Variants in MRPL15 observed in about 807,000 individuals in gnomAD.
MRPL15 encodes mitochondrial ribosomal protein L15, also known as large ribosomal subunit protein uL15m.
Under a neutral mutation model 28.0 loss-of-function variants are expected in MRPL15, and 24 were observed. The ratio of observed to expected loss-of-function variants is 0.86; its 90% confidence interval spans 0.62 to 1.21. The LOEUF (loss-of-function observed/expected upper bound fraction) is 1.21, where lower values mean the gene tolerates loss of function less well. Among genes scored for constraint, MRPL15 ranks in the 50% most tolerant of loss-of-function variants. The pLI, the probability that MRPL15 is intolerant of heterozygous loss-of-function variation, is 0.00. For synonymous variants in MRPL15, 124 were observed against 137.0 expected, an observed-to-expected ratio of 0.90 and a Z score of 0.66; for missense variants, 343 against 372.4, an observed-to-expected ratio of 0.92 and a Z score of 0.65.
At position 54,137,307 on chromosome 8, in the gene MRPL15, G is replaced by A; in HGVS notation, c.303G>A (p.Leu101=). ...ATAAGCCTTTGAGTCTCAATAGACT[G>A]CAGTATCTTATTGATTTGGGTCGTG... ...RQYKPLSLNR[L]QYLIDLGRVD... The change falls in exon 3 of 5, where the codon CTG becomes CTA. Residue 101 remains leucine, a synonymous_variant. Transcript: ENST00000260102. The A allele has an allele frequency of 6.2e-7, 1 of 1,613,984 alleles. No individual in the cohort carries two copies. The highest frequency in any genetic ancestry group is 8.5e-7 in the Non-Finnish European group (1 of 1,179,966).
intron 3 of MRPL15, among the ~76,000 whole-genome samples, chr8:54,141,713 C>T (rs1443552218): frequency 2.6e-5 from 4 of 152,120 alleles, no homozygotes; most frequent in Non-Finnish European, 5.9e-5. Context: ...TACTTTAAAT[C>T]ATCTCTAGAT....
At chr8:54,139,624 T>C (rs1297264133) in intron 3 of MRPL15, among the ~76,000 whole-genome samples, 2 of 152,188 alleles carry the variant, frequency 1.3e-5, no homozygotes, top group African/African-American at 4.8e-5. Context: ...AAAATAACCC[T>C]GAAAACTTTA....
At chr8:54,143,539 C>G (rs957993547) in intron 4 of MRPL15, among the ~76,000 whole-genome samples, 6 of 152,214 alleles carry the variant, frequency 3.9e-5, no homozygotes, top group African/African-American at 1.2e-4. Context: ...GACCACTTCT[C>G]CAGCTACTGC....
intron 3 of MRPL15, among the ~76,000 whole-genome samples, chr8:54,138,244 G>A (rs960870652): frequency 3.8e-4 from 52 of 138,118 alleles, no homozygotes; most frequent in African/African-American, 1.4e-3. Context: ...GTGAGCCACC[G>A]CCCACGGCGC....
chr8:54,137,619 T>A (rs1367090777), intron 3 of MRPL15, among the ~76,000 whole-genome samples, 186 bp downstream of exon 3: 1 of 151,480 alleles, frequency 6.6e-6, no homozygotes, highest in Non-Finnish European at 1.5e-5. Flanking sequence ...CCCACCACCA[T>A]GCCCAGCTAA....
intron 3 of MRPL15, among the ~76,000 whole-genome samples, chr8:54,137,735 A>G (rs993311747): frequency 1.3e-5 from 2 of 152,118 alleles, no homozygotes; most frequent in African/African-American, 4.8e-5. Flanking sequence ...AAGTGCTGGA[A>G]TTACAGGTGT....
intron 3 of MRPL15, among the ~76,000 whole-genome samples, chr8:54,140,574 C>CTTTTTTTTTTCT (rs1554556412): frequency 1.2e-4 from 12 of 99,576 alleles, no homozygotes; most frequent in African/African-American, 4.3e-4. Context: ...ATTTTCTTTT[C>CTTTTTTTTTTCT]TTTTTTTTTT....
At chr8:54,144,843 G>T (rs550274324) in intron 4 of MRPL15, among the ~76,000 whole-genome samples, 1 of 152,252 alleles carries the variant, frequency 6.6e-6, no homozygotes, top group African/African-American at 2.4e-5. Context: ...TTATAGATGA[G>T]CATCTTTTCT....
intron 1 of MRPL15, among the ~76,000 whole-genome samples, chr8:54,135,945 G>A (rs1402864596): frequency 6.6e-6 from 1 of 152,172 alleles, no homozygotes; most frequent in East Asian, 1.9e-4. Context: ...ATGTTTTCCC[G>A]GTGTATCTTT....
Position 54,135,290 on chromosome 8 carries a change from G to C in MRPL15, c.7G>C (p.Gly3Arg), listed in dbSNP as rs1810807862. 1.5e-6 allele frequency: 2 copies of C among 1,377,702 alleles called. No homozygotes were observed. The highest frequency in any genetic ancestry group is 3.4e-5 in the Admixed American group (1 of 29,196). 85.3% of individuals were successfully genotyped at this position (1,377,702 alleles called of 1,614,324 possible). A position where few individuals can be genotyped will look rare whatever the true frequency, so the allele number is the denominator to read the frequency against. ...GTTCTTGGATCTGCGGGTTATGGCC[G>C]GTCCCTTGCAGGGCGGTGGGGCCCG... Reference protein sequence around the residue: MAGPLQGGGARAL... With the variant: MARPLQGGGARAL... Residue 3 changes from glycine (G) to arginine (R), a missense_variant, in exon 1 of 5, where the codon GGT becomes CGT. Transcript: ENST00000260102.
intron 3 of MRPL15, among the ~76,000 whole-genome samples, chr8:54,140,873 C>T (rs548919669): frequency 2.0e-5 from 3 of 151,972 alleles, no homozygotes; most frequent in South Asian, 2.1e-4. Flanking sequence ...TGAGCCACTG[C>T]GCCCGGCCTA....
intron 4 of MRPL15, among the ~76,000 whole-genome samples, chr8:54,145,814 G>A (rs1811036576): frequency 6.6e-6 from 1 of 152,160 alleles, no homozygotes; most frequent in African/African-American, 2.4e-5. Context: ...CTTTCTTGAT[G>A]ATTCAAGGAC....
chr8:54,147,297 A>T, intron 4 of MRPL15, 85 bp from the exon 5 acceptor site: 1 of 977,474 alleles, frequency 1.0e-6, no homozygotes, highest in Non-Finnish European at 1.5e-6. Context: ...GTACAGAGTT[A>T]CATCTCTATG....
rs865777948 is a variant in MRPL15, at chr8:54,136,762, C to A, written c.263+97C>A. On this transcript the variant is annotated intron_variant, in intron 2 of 4. Transcript: ENST00000260102. ...GAAATTTTGGTGGAAATTGTAAATT[C>A]ACTTTGAAGCAAACTTTTGCTACTG... 7.0e-6 allele frequency: 10 copies of A among 1,420,074 alleles called. No homozygotes were observed. In the African/African-American group the frequency reaches 1.0e-4, roughly 14 times the overall value. The allele number at this position is 1,420,074 out of a possible 1,614,324, so 88.0% of individuals were successfully genotyped here.
Position 54,147,476 on chromosome 8 carries a change from T to C in MRPL15, c.648T>C (p.Asp216=). The part of the protein sequence containing the change: ...PPEELVPYYT[D]AKNRGYLADP... ...AAGAACTGGTACCATATTACACTGA[T>C]GCAAAGAACCGTGGGTACCTGGCGG... Residue 216 remains aspartate (D), a synonymous_variant, in exon 5 of 5, where the codon GAT becomes GAC. Transcript: ENST00000260102. 7 of 1,614,214 alleles carry C rather than the reference T, an allele frequency of 4.3e-6. No individual in the cohort carries two copies. The highest frequency in any genetic ancestry group is 5.9e-6 in the Non-Finnish European group (7 of 1,180,032).
Position 54,135,248 on chromosome 8 carries a change from T to A in MRPL15, c.-36T>A. The A allele has an allele frequency of 7.8e-7, 1 of 1,286,408 alleles. No individual in the cohort carries two copies. The allele number at this position is 1,286,408 out of a possible 1,614,324, so 79.7% of individuals were successfully genotyped here. A position where few individuals can be genotyped will look rare whatever the true frequency, so the allele number is the denominator to read the frequency against. ...CGAGACCACGTGGCCTCCGAGCAGCTCAGGGCGCCCTTGAAAGTTCTTGGA... is the reference window on the plus strand; with the variant it reads ...CGAGACCACGTGGCCTCCGAGCAGCACAGGGCGCCCTTGAAAGTTCTTGGA... On this transcript the variant is annotated 5_prime_UTR_variant, in exon 1 of 5. Coordinates refer to ENST00000260102, the MANE Select transcript of MRPL15 (RefSeq NM_014175.4).
At position 54,148,245 on chromosome 8, in the gene MRPL15, A is replaced by G. The variant is rs1586221120; in HGVS notation, c.*526A>G. ...GGCTGAGGAGTAGCTGGTAGGCAGT[A>G]TGTTTGCCAGTGACATTGAAGGTGA... On this transcript the variant is annotated 3_prime_UTR_variant, in exon 5 of 5. Transcript: ENST00000260102. 6.6e-6 allele frequency among the ~76,000 whole-genome samples: 1 copy of G among 152,336 alleles called. No individual in the cohort carries two copies. The highest frequency in any genetic ancestry group is 2.4e-5 in the African/African-American group (1 of 41,580).
intron 4 of MRPL15, 41 bp downstream of exon 4, chr8:54,142,827 T>C: frequency 1.2e-6 from 2 of 1,609,242 alleles, no homozygotes; most frequent in Non-Finnish European, 1.7e-6. Context: ...TCTCTCTTTG[T>C]CTCATGTTGG....
Position 54,137,339 on chromosome 8 carries a change from C to G in MRPL15, c.335C>G (p.Pro112Arg). ...QYLIDLGRVD[P>R]SQPIDLTQLV... ...CTTATTGATTTGGGTCGTGTTGATC[C>G]TAGTCAACCTATTGACTTAACCCAG... The change falls in exon 3 of 5, where the codon CCT becomes CGT. Residue 112 changes from proline to arginine, a missense_variant. Transcript: ENST00000260102. 6.2e-7 allele frequency: 1 copy of G among 1,613,864 alleles called. No homozygotes were observed. The highest frequency in any genetic ancestry group is 8.5e-7 in the Non-Finnish European group (1 of 1,179,802).
Sources: gnomAD v4.1 joint callset for allele counts (sites outside exome capture counted in the v4.1 genomes callset) on GRCh38, gnomAD v4.1.1 for gene constraint, MANE v1.5 for transcripts, NCBI Gene and HGNC (gene_info 2026-07-23, HGNC 2026-07-21) for gene names.